GRIPAP1: variants seen among roughly 807,000 people sequenced by gnomAD.
GRIPAP1 encodes the protein GRIP1-associated protein 1.
In GRIPAP1, 14 loss-of-function variants were observed where a neutral mutation model predicts 84.1. The observed-to-expected ratio is 0.17, with a 90% CI of 0.11 to 0.26. The LOEUF is 0.26. GRIPAP1 is among the 10% of genes least tolerant of loss of function. The pLI is 1.00. For synonymous variants in GRIPAP1, 261 were observed against 256.8 expected, an observed-to-expected ratio of 1.02 and a Z score of -0.15; for missense variants, 518 against 674.2, an observed-to-expected ratio of 0.77 and a Z score of 2.57.
chrX:48,983,312 G>A lies in GRIPAP1; in HGVS notation c.1401C>T (p.Ala467=). The A allele has an allele frequency of 8.3e-7, 1 of 1,211,949 alleles. No homozygotes were observed. Among genetic ancestry groups the A allele is most frequent in the Non-Finnish European group, 1.1e-6 (1 of 895,295 alleles). ...GCTCTCGGAGCTCACGCTCATAGCG[G>A]GCACGCACCCCCAGCACCTCCTTCT... ...RHEKEVLGVR[A]RYERELRELH... The change falls in exon 16 of 26, where the codon GCC becomes GCT. Residue 467 remains alanine, a synonymous_variant. Coordinates refer to ENST00000376423, the MANE Select transcript of GRIPAP1 (RefSeq NM_020137.5).
chrX:48,978,487 G>A (rs1557061128), intron 21 of GRIPAP1, 52 bp from the exon 22 acceptor site: 2 of 1,082,325 alleles, frequency 1.8e-6, no homozygotes, highest in Non-Finnish European at 2.5e-6. Flanking sequence ...TGAGTCCCAG[G>A]GCAGCAACCA....
chrX:48,981,253 C>T lies in GRIPAP1; in HGVS notation c.1892G>A (p.Arg631Gln), dbSNP rs1557062013. The change falls in exon 21 of 26, where the codon CGA becomes CAA. Residue 631 changes from arginine to glutamine, a missense_variant. By Grantham distance (43) the Arg-to-Gln change is conservative. Transcript: ENST00000376423. ...ERKRADKLQERLQDILTNSKS... is the reference protein window; with the variant it reads ...ERKRADKLQEQLQDILTNSKS... ...GCTGTTAGTGAGGATGTCCTGCAGT[C>T]GCTCCTGCAGCTTATCTGCCCGTTT... 1 of 1,210,106 alleles carries T rather than the reference C, an allele frequency of 8.3e-7. No homozygotes were observed. The highest frequency in any genetic ancestry group is 1.1e-6 in the Non-Finnish European group (1 of 894,287).
rs782021757 is a variant in GRIPAP1 at position 48,981,251 on chromosome X, G to A, written c.1894C>T (p.Leu632=). The change falls in exon 21 of 26, where the codon CTG becomes TTG. Residue 632 remains leucine (L), a synonymous_variant. Coordinates refer to ENST00000376423, the MANE Select transcript of GRIPAP1 (RefSeq NM_020137.5). ...TTGCTGTTAGTGAGGATGTCCTGCA[G>A]TCGCTCCTGCAGCTTATCTGCCCGT... The part of the protein sequence containing the change: ...RKRADKLQER[L]QDILTNSKSR... 8.3e-7 allele frequency: 1 copy of A among 1,210,848 alleles called. No homozygotes were observed. Among genetic ancestry groups the A allele is most frequent in the South Asian group, 1.8e-5 (1 of 56,752 alleles).
upstream of GRIPAP1, chrX:49,002,264 C>CGAGCTGCGTCTGCGCAGAA: frequency 1.0e-6 from 1 of 975,301 alleles, no homozygotes; most frequent in Non-Finnish European, 1.4e-6. Context: ...GCTTTCTGCG[C>CGAGCTGCGTCTGCGCAGAA]AGACGCAGCT....
chrX:48,986,045 A>G (rs987408122), intron 13 of GRIPAP1, among the ~76,000 whole-genome samples: 1 of 109,352 alleles, frequency 9.1e-6, no homozygotes, highest in Non-Finnish European at 1.9e-5. Flanking sequence ...GTTCGAGACC[A>G]GCCTGGCCAA....
intron 1 of GRIPAP1, 59 bp from the exon 2 acceptor site, chrX:48,999,563 T>C: frequency 1.2e-6 from 1 of 837,057 alleles, no homozygotes; most frequent in Non-Finnish European, 1.8e-6. Context: ...ACCCCTACCA[T>C]GAGGGAACCA....
chrX:48,986,912 G>A (rs1320265542), intron 13 of GRIPAP1, among the ~76,000 whole-genome samples: 3 of 109,174 alleles, frequency 2.7e-5, no homozygotes, highest in Non-Finnish European at 3.8e-5. Flanking sequence ...GCAATGGCAC[G>A]ATCTCGGCTC....
rs782214951 is a variant in GRIPAP1 at position 48,987,817 on chromosome X, C to T, written c.1009G>A (p.Ala337Thr). ...AGGGCAGCCAGGCTAGTCCTCAAGGCATTGTTCTCAGCCAAAAGCCCTTCC... is the reference window on the plus strand; with the variant it reads ...AGGGCAGCCAGGCTAGTCCTCAAGGTATTGTTCTCAGCCAAAAGCCCTTCC... ...QVEGLLAENN[A>T]LRTSLAALEQ... Residue 337 changes from alanine (A) to threonine (T), a missense_variant, in exon 13 of 26, where the codon GCC becomes ACC. Ala to Thr is a moderately conservative substitution (Grantham distance 58, BLOSUM62 0). Around this residue, in one of 5 missense-constraint regions of GRIPAP1, gnomAD observed 372 missense variants for 458.1 expected, o/e 0.81. Transcript: ENST00000376423. The T allele has an allele frequency of 8.3e-7, 1 of 1,200,129 alleles. No homozygotes were observed. Among genetic ancestry groups the T allele is most frequent in the Non-Finnish European group, 1.1e-6 (1 of 888,888 alleles).
Position 48,991,569 on chromosome X carries a change from G to A in GRIPAP1, c.458-459C>T, listed in dbSNP as rs186070022. On this transcript the variant is annotated intron_variant, in intron 6 of 25. Coordinates refer to ENST00000376423, the MANE Select transcript of GRIPAP1 (RefSeq NM_020137.5). ...AAAATCTTTTTCCGTGGCTGGGCAC[G>A]GTGGCTCACGCCTGTATCCCAGCAC... Among the ~76,000 whole-genome samples, 774 of 112,399 alleles carry A rather than the reference G, an allele frequency of 6.9e-3. 2 individuals are homozygous for A. The highest frequency in any genetic ancestry group is 0.014 in the Middle Eastern group (3 of 219).
In GRIPAP1 at chrX:48,979,844, C is replaced by T. The variant is rs971373034; in HGVS notation, c.1930+1371G>A. 3.6e-5 allele frequency among the ~76,000 whole-genome samples: 4 copies of T among 110,723 alleles called. No individual in the cohort carries two copies. The East Asian group carries it at 1.1e-3, about 32-fold the overall frequency. ...GGCCAGGCTGGTCTTGAACCCCTGACCTCAGGTGATCCACCCACCTTGGCC... is the reference window on the plus strand; with the variant it reads ...GGCCAGGCTGGTCTTGAACCCCTGATCTCAGGTGATCCACCCACCTTGGCC... On this transcript the variant is annotated intron_variant, in intron 21 of 25. Transcript: ENST00000376423.
rs782423168 is a variant in GRIPAP1 at position 48,998,105 on chromosome X, C to A, written c.198+49G>T. ...AGGAAATATCAGCATACAGAAATAG[C>A]CCACCAAGACATCTCCCAGTCACAC... On this transcript the variant is annotated intron_variant, in intron 4 of 25. Transcript: ENST00000376423. 3.0e-6 allele frequency: 3 copies of A among 994,622 alleles called. No individual in the cohort carries two copies. The African/African-American group carries it at 5.7e-5, about 19-fold the overall frequency. 82.0% of individuals were successfully genotyped at this position (994,622 alleles called of 1,213,427 possible).
In GRIPAP1 at chrX:48,976,040, G is replaced by C. The variant is rs781961238; in HGVS notation, c.2256C>G (p.Thr752=). 2.6e-5 allele frequency: 31 copies of C among 1,210,854 alleles called. No individual in the cohort carries two copies. The highest frequency in any genetic ancestry group is 3.5e-5 in the Non-Finnish European group (31 of 894,593). ...GACCGATCCGGCTGTCCATGACGTAGGTCTCAATGATGGCGCTCTTCCGGC... is the reference window on the plus strand; with the variant it reads ...GACCGATCCGGCTGTCCATGACGTACGTCTCAATGATGGCGCTCTTCCGGC... ...DLCRKSAIIE[T]YVMDSRIDVS... The change falls in exon 24 of 26, where the codon ACC becomes ACG. Residue 752 remains threonine (T), a synonymous_variant. Transcript: ENST00000376423.
At chrX:48,986,587 G>A (rs992534476) in intron 13 of GRIPAP1, among the ~76,000 whole-genome samples, 2 of 109,179 alleles carry the variant, frequency 1.8e-5, no homozygotes, top group African/African-American at 6.7e-5. Flanking sequence ...TAGAGACGGG[G>A]TTTCACCATA....
chrX:48,986,707 T>G (rs1053254869), intron 13 of GRIPAP1, among the ~76,000 whole-genome samples: 7 of 111,768 alleles, frequency 6.3e-5, no homozygotes, highest in Non-Finnish European at 1.3e-4. Flanking sequence ...ATTTTTGTAT[T>G]TTTAGTAGAG....
Position 48,978,337 on chromosome X carries a change from G to C in GRIPAP1, c.2029C>G (p.Arg677Gly). The C allele has an allele frequency of 8.3e-7, 1 of 1,208,697 alleles. No individual in the cohort carries two copies. Among genetic ancestry groups the C allele is most frequent in the East Asian group, 3.0e-5 (1 of 33,781 alleles). ...ISSFSYREIL[R>G]EKESSAVPAR... ...GGAACAGCCGAGCTCTCCTTTTCCC[G>C]CAAGATCTCCCGGTAGCTGAAGGAG... Residue 677 changes from arginine to glycine, a missense_variant, in exon 22 of 26, where the codon CGG becomes GGG. Physicochemically the swap from Arg to Gly is moderately radical, Grantham distance 125. Transcript: ENST00000376423.
intron 3 of GRIPAP1, chrX:48,998,998 A>G: frequency 2.7e-6 from 1 of 369,625 alleles, no homozygotes; most frequent in Non-Finnish European, 4.7e-6. Flanking sequence ...GTGAATGAGA[A>G]TGAGTAACTG....
At chrX:48,988,315 C>G in intron 11 of GRIPAP1, 117 bp from the exon 12 acceptor site, 1 of 514,091 alleles carries the variant, frequency 1.9e-6, no homozygotes, top group Non-Finnish European at 3.3e-6. Flanking sequence ...GGGTCTCAGA[C>G]TATCCAGCCA....
chrX:48,980,948 CAT>C (rs1356575324), intron 21 of GRIPAP1: 6 of 367,509 alleles, frequency 1.6e-5, no homozygotes, highest in Non-Finnish European at 2.8e-5. Flanking sequence ...TAAAGGCAAA[CAT>C]AGAGGAAAGA....
At chrX:48,974,527 A>T (rs1427790600) in intron 25 of GRIPAP1, among the ~76,000 whole-genome samples, 1 of 111,795 alleles carries the variant, frequency 8.9e-6, no homozygotes, top group African/African-American at 3.3e-5. Context: ...CTCCTGTGGC[A>T]TGGTGCTGCT....
Sources: gnomAD v4.1 joint callset for allele counts (sites outside exome capture counted in the v4.1 genomes callset) on GRCh38, gnomAD v4.1.1 for gene constraint, gnomAD v4.1.1 regional missense constraint, MANE v1.5 for transcripts, NCBI Gene and HGNC (gene_info 2026-07-23, HGNC 2026-07-21) for gene names.